SIK2: variants seen among roughly 807,000 people sequenced by gnomAD.
SIK2 encodes serine/threonine-protein kinase SIK2.
SIK2 carries 29 observed loss-of-function variants against 103.2 expected under a neutral mutation model. That is an observed-to-expected ratio of 0.28 (90% CI 0.21 to 0.38). The LOEUF is 0.38. Ranked by LOEUF, SIK2 falls within the 10% of genes least tolerant of loss-of-function variation. SIK2 has a pLI of 1.00. For synonymous variants in SIK2, 412 were observed against 446.1 expected, an observed-to-expected ratio of 0.92 and a Z score of 0.96; for missense variants, 879 against 1,171.0, an observed-to-expected ratio of 0.75 and a Z score of 3.64.
At position 111,722,873 on chromosome 11, in the gene SIK2, G is replaced by C; in HGVS notation, c.2147+117G>C. On this transcript the variant is annotated intron_variant, in intron 14 of 14. Transcript: ENST00000304987. The surrounding 1 kb of genome is among the most constrained non-coding windows in gnomAD (Gnocchi z 4.4). The stretch of plus-strand genomic sequence containing the variant: ...ACTACTAGGAAAATAGGTTTTCTGC[G>C]TGTGTCACAGGCCCTCTGAGCACGA... The C allele has an allele frequency of 2.3e-6, 2 of 882,838 alleles. No individual in the cohort carries two copies. Among genetic ancestry groups the C allele is most frequent in the Non-Finnish European group, 3.5e-6 (2 of 564,898 alleles). The allele number at this position is 882,838 out of a possible 1,614,324, so 54.7% of individuals were successfully genotyped here. A position where few individuals can be genotyped will look rare whatever the true frequency, so the allele number is the denominator to read the frequency against.
At chr11:111,652,646 G>A (rs1942342242) in intron 3 of SIK2, among the ~76,000 whole-genome samples, 3 of 152,130 alleles carry the variant, frequency 2.0e-5, no homozygotes, top group Admixed American at 6.5e-5. Flanking sequence ...TGAAACTATT[G>A]TTAATAATGC....
At chr11:111,612,917 T>TAGATAG (rs1309531779) in intron 1 of SIK2, among the ~76,000 whole-genome samples, 2 of 23,446 alleles carry the variant, frequency 8.5e-5, no homozygotes, top group Non-Finnish European at 3.7e-4. Context: ...AGCAATGGGA[T>TAGATAG]ATATATATAT....
At position 111,719,976 on chromosome 11, in the gene SIK2, A is replaced by G. The variant is rs1424799440; in HGVS notation, c.1468A>G (p.Asn490Asp). 5 of 1,613,940 alleles carry G rather than the reference A, an allele frequency of 3.1e-6. No homozygotes were observed. Among genetic ancestry groups the G allele is most frequent in the Non-Finnish European group, 3.4e-6 (4 of 1,179,950 alleles). Reference protein sequence around the residue: ...QRRHTLSEVTNQLVVMPGAGK... With the variant: ...QRRHTLSEVTDQLVVMPGAGK... ...ACGGCACACTCTGTCAGAAGTGACC[A>G]ATCAACTGGTCGTGATGCCTGGGGC... Residue 490 changes from asparagine to aspartate, a missense_variant, in exon 10 of 15, where the codon AAT (asparagine) becomes GAT (aspartate). Coordinates refer to ENST00000304987, the MANE Select transcript of SIK2 (RefSeq NM_015191.3).
rs139186043 is a variant in SIK2 at position 111,671,627 on chromosome 11, G to C, written c.317-16374G>C. Reference sequence around the variant, plus strand: ...TTGGTGATGATGCTGTCCATGTCCAGGGAGCAGCTGTTGTCCATGGACAGA... The same window carrying C: ...TTGGTGATGATGCTGTCCATGTCCACGGAGCAGCTGTTGTCCATGGACAGA... On this transcript the variant is annotated intron_variant, in intron 3 of 14. Transcript: ENST00000304987. 2.2e-4 allele frequency: 77 copies of C among 348,624 alleles called. No homozygotes were observed. In the East Asian group the frequency reaches 5.3e-3, roughly 24 times the overall value. 21.6% of individuals were successfully genotyped at this position (348,624 alleles called of 1,614,324 possible).
chr11:111,607,929 A>G (rs571885696), intron 1 of SIK2, among the ~76,000 whole-genome samples: 1 of 152,342 alleles, frequency 6.6e-6, no homozygotes, highest in Non-Finnish European at 1.5e-5. Flanking sequence ...AATTAAGAAA[A>G]CAATTATTTG....
In SIK2 at chr11:111,705,234, C is replaced by CGAGA; in HGVS notation, c.1101+95_1101+96insGAGA. The CGAGA allele has an allele frequency of 7.9e-7, 1 of 1,260,914 alleles. No homozygotes were observed. The highest frequency in any genetic ancestry group is 2.5e-5 in the South Asian group (1 of 40,186). 78.1% of individuals were successfully genotyped at this position (1,260,914 alleles called of 1,614,324 possible). On this transcript the variant is annotated intron_variant, in intron 8 of 14. Coordinates refer to ENST00000304987, the MANE Select transcript of SIK2 (RefSeq NM_015191.3). The surrounding 1 kb of genome is among the most constrained non-coding windows in gnomAD (Gnocchi z 4.3). ...TTATACACAGGGTTAGGATTTCATC[C>CGAGA]TCTACACTCCGTTTTTCTGTAAAAT...
chr11:111,649,416 C>T (rs1302858382), intron 3 of SIK2, among the ~76,000 whole-genome samples: 3 of 151,968 alleles, frequency 2.0e-5, no homozygotes, highest in African/African-American at 7.3e-5. Context: ...ATATTACTTA[C>T]AGTACTTGAA....
intron 2 of SIK2, among the ~76,000 whole-genome samples, chr11:111,617,852 A>C (rs541234029): frequency 2.0e-5 from 3 of 149,762 alleles, no homozygotes; most frequent in African/African-American, 7.4e-5. Flanking sequence ...GTGTGTGTGT[A>C]TATATATATA....
chr11:111,637,327 T>C (rs1942121367), intron 3 of SIK2, among the ~76,000 whole-genome samples: 1 of 152,022 alleles, frequency 6.6e-6, no homozygotes, highest in African/African-American at 2.4e-5. Flanking sequence ...TTTTTATTTT[T>C]TTAGTCTAAA....
Position 111,728,888 on chromosome 11 carries a change from C to T in SIK2, c.*4759C>T, listed in dbSNP as rs1235334112. The T allele has an allele frequency of 6.7e-6, 1 of 149,392 alleles. No individual in the cohort carries two copies. The highest frequency in any genetic ancestry group is 6.7e-5 in the Admixed American group (1 of 14,942). 9.3% of individuals were successfully genotyped at this position (149,392 alleles called of 1,614,324 possible). On this transcript the variant is annotated 3_prime_UTR_variant, in exon 15 of 15. Coordinates refer to ENST00000304987, the MANE Select transcript of SIK2 (RefSeq NM_015191.3). ...GCAGTGAGCCAAGATCGTGCCACTGCACTCCAGCCTGGGCGACAGAGCAAG... is the reference window on the plus strand; with the variant it reads ...GCAGTGAGCCAAGATCGTGCCACTGTACTCCAGCCTGGGCGACAGAGCAAG...
At chr11:111,626,518 A>T (rs1337772970) in intron 3 of SIK2, among the ~76,000 whole-genome samples, 1 of 151,866 alleles carries the variant, frequency 6.6e-6, no homozygotes, top group Non-Finnish European at 1.5e-5. Flanking sequence ...GTATTTCTCT[A>T]GGAGGTCCCC....
intron 4 of SIK2, among the ~76,000 whole-genome samples, chr11:111,698,316 A>G (rs1473383584): frequency 6.6e-6 from 1 of 152,206 alleles, no homozygotes; most frequent in Non-Finnish European, 1.5e-5. Flanking sequence ...GTGTACTATG[A>G]GAGCCTAAGG....
chr11:111,722,877 G>A lies in SIK2; in HGVS notation c.2147+121G>A. ...CTAGGAAAATAGGTTTTCTGCGTGTGTCACAGGCCCTCTGAGCACGATTAC... is the reference window on the plus strand; with the variant it reads ...CTAGGAAAATAGGTTTTCTGCGTGTATCACAGGCCCTCTGAGCACGATTAC... On this transcript the variant is annotated intron_variant, in intron 14 of 14. Coordinates refer to ENST00000304987, the MANE Select transcript of SIK2 (RefSeq NM_015191.3). The surrounding 1 kb of genome is among the most constrained non-coding windows in gnomAD (Gnocchi z 4.4). 1.2e-6 allele frequency: 1 copy of A among 856,698 alleles called. No homozygotes were observed. Among genetic ancestry groups the A allele is most frequent in the Non-Finnish European group, 1.8e-6 (1 of 545,334 alleles). 53.1% of individuals were successfully genotyped at this position (856,698 alleles called of 1,614,324 possible).
intron 1 of SIK2, among the ~76,000 whole-genome samples, chr11:111,611,206 G>A (rs1180487606): frequency 6.0e-5 from 9 of 150,600 alleles, no homozygotes; most frequent in Admixed American, 1.3e-4. Context: ...CTGAGATCGC[G>A]CCAGTGCACT....
At chr11:111,613,220 AT>A (rs1463510979) in intron 1 of SIK2, among the ~76,000 whole-genome samples, 2 of 152,036 alleles carry the variant, frequency 1.3e-5, no homozygotes, top group Non-Finnish European at 1.5e-5. Flanking sequence ...AAACTCTTTC[AT>A]CCCATTAAAT....
chr11:111,682,709 T>A (rs1227422426), intron 3 of SIK2, among the ~76,000 whole-genome samples: 1 of 152,244 alleles, frequency 6.6e-6, no homozygotes, highest in East Asian at 1.9e-4. Flanking sequence ...TAATATGATT[T>A]TATGTATGTA....
Position 111,687,981 on chromosome 11 carries a change from A to G in SIK2, c.317-20A>G, listed in dbSNP as rs1304697942. ...TATTTTATTTTGGTGACTAATTCTT[A>G]ATCCTCTCTTCATTTACAGACTATC... On this transcript the variant is annotated intron_variant, in intron 3 of 14. Coordinates refer to ENST00000304987, the MANE Select transcript of SIK2 (RefSeq NM_015191.3). 1.2e-6 allele frequency: 2 copies of G among 1,610,152 alleles called. No individual in the cohort carries two copies. The highest frequency in any genetic ancestry group is 2.7e-5 in the African/African-American group (2 of 74,640).
chr11:111,656,327 G>A (rs1358461576), intron 3 of SIK2, among the ~76,000 whole-genome samples: 2 of 152,102 alleles, frequency 1.3e-5, no homozygotes, highest in African/African-American at 2.4e-5. Flanking sequence ...TGTTAATAAT[G>A]GCTCTAGTTG....
At position 111,705,548 on chromosome 11, in the gene SIK2, C is replaced by A. The variant is rs1033223042; in HGVS notation, c.1101+409C>A. ...ATAAGACAAGATCATAAACAACCAT[C>A]ATTCAAAATAGGGAAAGATGAGAGC... On this transcript the variant is annotated intron_variant, in intron 8 of 14. Transcript: ENST00000304987. The surrounding 1 kb of genome is among the most constrained non-coding windows in gnomAD (Gnocchi z 4.3). 2.6e-5 allele frequency among the ~76,000 whole-genome samples: 4 copies of A among 152,080 alleles called. No homozygotes were observed. Among genetic ancestry groups the A allele is most frequent in the Non-Finnish European group, 5.9e-5 (4 of 68,018 alleles).
Sources: allele counts gnomAD v4.1 joint callset (sites outside exome capture counted in the v4.1 genomes callset), GRCh38; gene constraint gnomAD v4.1.1; non-coding constraint Gnocchi (gnomAD v3.1); transcripts MANE v1.5; gene names NCBI Gene and HGNC (gene_info 2026-07-23, HGNC 2026-07-21).